TNNI3K: variants seen among roughly 807,000 people sequenced by gnomAD.
TNNI3K encodes TNNI3 interacting kinase.
Under a neutral mutation model 114.5 loss-of-function variants are expected in TNNI3K, and 140 were observed. The observed-to-expected ratio is 1.22, with a 90% CI of 1.07 to 1.41. The LOEUF (loss-of-function observed/expected upper bound fraction) is 1.41. Ranked by LOEUF, TNNI3K falls within the 40% of genes most tolerant of loss-of-function variation. The pLI, the probability that TNNI3K is intolerant of heterozygous loss-of-function variation, is 0.00. For synonymous variants in TNNI3K, 347 were observed against 347.5 expected (o/e 1.00, Z 0.02); for missense variants, 1,125 against 1,007.6 (o/e 1.12, Z -1.58).
chr1:74,517,707 C>G (rs61778067), intron 23 of TNNI3K, among the ~76,000 whole-genome samples: 1 of 152,166 alleles, frequency 6.6e-6, no homozygotes, highest in Non-Finnish European at 1.5e-5. Context: ...AAGAGTACGA[C>G]TGGTAAACCG....
At chr1:74,535,242 C>T (rs1256653433) in intron 23 of TNNI3K, among the ~76,000 whole-genome samples, 1 of 152,008 alleles carries the variant, frequency 6.6e-6, no homozygotes, top group Admixed American at 6.6e-5. Flanking sequence ...TTTGGGAGGT[C>T]GAGGTGGGTG....
At chr1:74,414,778 G>A (rs931632925) in intron 17 of TNNI3K, among the ~76,000 whole-genome samples, 6 of 152,026 alleles carry the variant, frequency 3.9e-5, no homozygotes, top group African/African-American at 1.2e-4. Context: ...CTCACTATCG[G>A]CATCACTGCC....
chr1:74,475,353 A>G (rs986607630), intron 21 of TNNI3K: 21 of 714,396 alleles, frequency 2.9e-5, no homozygotes, highest in Non-Finnish European at 5.5e-5. Context: ...CAGGCTCAAG[A>G]TTCCATAGCT....
chr1:74,411,932 G>A (rs969275516), intron 17 of TNNI3K, among the ~76,000 whole-genome samples: 3 of 151,966 alleles, frequency 2.0e-5, no homozygotes, highest in African/African-American at 4.8e-5. Context: ...AGAGTTGTTT[G>A]TTATTAAGAA....
intron 9 of TNNI3K, among the ~76,000 whole-genome samples, chr1:74,351,969 G>C (rs141593089): frequency 6.6e-6 from 1 of 152,066 alleles, no homozygotes; most frequent in Admixed American, 6.5e-5. Flanking sequence ...CTCTCAACTT[G>C]TCAAAGTCAT....
chr1:74,502,462 A>T (rs1197123547), intron 23 of TNNI3K, among the ~76,000 whole-genome samples: 2 of 152,150 alleles, frequency 1.3e-5, no homozygotes, highest in Non-Finnish European at 2.9e-5. Flanking sequence ...AAAAAATGGT[A>T]GTTCATAATT....
intron 17 of TNNI3K, among the ~76,000 whole-genome samples, chr1:74,392,067 G>T (rs367766783): frequency 2.4e-4 from 35 of 145,480 alleles, no homozygotes; most frequent in East Asian, 1.9e-3. Flanking sequence ...CCGGGTTCAC[G>T]CCATTCTCCT....
intron 17 of TNNI3K, among the ~76,000 whole-genome samples, chr1:74,421,037 A>G (rs1440427697): frequency 6.6e-6 from 1 of 152,154 alleles, no homozygotes; most frequent in African/African-American, 2.4e-5. Context: ...ATAATGGAAC[A>G]CTAGGAATAA....
chr1:74,366,302 T>A (rs1662268692), intron 11 of TNNI3K, among the ~76,000 whole-genome samples: 1 of 152,066 alleles, frequency 6.6e-6, no homozygotes, highest in Non-Finnish European at 1.5e-5. Context: ...CTTCATAGAT[T>A]ATTTTTATAG....
intron 21 of TNNI3K, among the ~76,000 whole-genome samples, chr1:74,465,839 CGGACCAATCAGCTCTCTGTAAAAT>C (rs1238816688): frequency 1.1e-4 from 17 of 152,258 alleles, no homozygotes; most frequent in Non-Finnish European, 1.9e-4. Flanking sequence ...CCTGTCAAAA[CGGACCAATCAGCTCTCTGTAAAAT>C]GGACCAATCA....
chr1:74,271,529 C>A (rs1656345447), intron 4 of TNNI3K, 69 bp from the exon 5 acceptor site: 1 of 1,418,728 alleles, frequency 7.0e-7, no homozygotes. Flanking sequence ...AAAATCAATA[C>A]ATCCTGTTGC....
chr1:74,293,783 A>G (rs942084858), intron 5 of TNNI3K, among the ~76,000 whole-genome samples: 1 of 151,750 alleles, frequency 6.6e-6, no homozygotes, highest in Non-Finnish European at 1.5e-5. Flanking sequence ...ATTATATTTC[A>G]GCATTAGCTA....
chr1:74,314,690 A>T (rs867552929), intron 5 of TNNI3K, among the ~76,000 whole-genome samples: 5 of 152,164 alleles, frequency 3.3e-5, no homozygotes, highest in Admixed American at 1.3e-4. Context: ...TGTTCTTAAT[A>T]GAGAAGTGAT....
intron 21 of TNNI3K, among the ~76,000 whole-genome samples, chr1:74,487,115 G>A (rs1432234663): frequency 6.6e-6 from 1 of 152,094 alleles, no homozygotes; most frequent in Non-Finnish European, 1.5e-5. Flanking sequence ...GACGTTAAGG[G>A]TTTTATTTTG....
intron 5 of TNNI3K, among the ~76,000 whole-genome samples, chr1:74,287,491 G>A (rs948584558): frequency 1.3e-5 from 2 of 152,080 alleles, no homozygotes; most frequent in Admixed American, 1.3e-4. Context: ...ATATATAAGG[G>A]TATAAGAATA....
At chr1:74,527,147 G>A (rs1370373352) in intron 23 of TNNI3K, among the ~76,000 whole-genome samples, 1 of 152,174 alleles carries the variant, frequency 6.6e-6, no homozygotes, top group Non-Finnish European at 1.5e-5. Context: ...CTACCTTCAG[G>A]TCACTGTAAA....
At chr1:74,505,586 T>C (rs1669852838) in intron 23 of TNNI3K, among the ~76,000 whole-genome samples, 1 of 152,246 alleles carries the variant, frequency 6.6e-6, no homozygotes. Flanking sequence ...ACATCTTCCA[T>C]GTGGACTATA....
chr1:74,248,661 A>T (rs1310617577), intron 2 of TNNI3K, among the ~76,000 whole-genome samples: 1 of 152,200 alleles, frequency 6.6e-6, no homozygotes, highest in African/African-American at 2.4e-5. Context: ...CTCAAAATGA[A>T]GGCCTTACAA....
chr1:74,435,702 G>A (rs1666090611), intron 17 of TNNI3K, among the ~76,000 whole-genome samples: 1 of 151,902 alleles, frequency 6.6e-6, no homozygotes, highest in Non-Finnish European at 1.5e-5. Flanking sequence ...CAGCAAGCTG[G>A]TTCTCTTGCT....
Sources: gnomAD v4.1 joint callset for allele counts (sites outside exome capture counted in the v4.1 genomes callset) on GRCh38, gnomAD v4.1.1 for gene constraint, MANE v1.5 for transcripts, NCBI Gene and HGNC (gene_info 2026-07-23, HGNC 2026-07-21) for gene names.